LRP1B: variants seen among roughly 807,000 people sequenced by gnomAD.
LRP1B encodes the protein low-density lipoprotein receptor-related protein 1B.
A neutral mutation model predicts 556.6 loss-of-function variants in LRP1B; 217 were observed. The ratio of observed to expected loss-of-function variants is 0.39; its 90% confidence interval spans 0.35 to 0.44. The LOEUF is 0.44. Among genes scored for constraint, LRP1B ranks in the 20% least tolerant of loss-of-function variants. LRP1B has a pLI of 1.00. For missense variants in LRP1B, 5,053 were observed against 5,620.8 expected (o/e 0.90, Z 3.23); for synonymous variants, 2,047 against 1,865.8 (o/e 1.10, Z -2.50).
intron 29 of LRP1B, among the ~76,000 whole-genome samples, chr2:140,841,825 A>G (rs1692114360): frequency 6.6e-6 from 1 of 152,232 alleles, no homozygotes; most frequent in South Asian, 2.1e-4. Context: ...CACCTTTTCA[A>G]GAAAAAAAAT....
intron 2 of LRP1B, among the ~76,000 whole-genome samples, chr2:141,524,898 G>C (rs1004387529): frequency 1.3e-5 from 2 of 151,950 alleles, no homozygotes; most frequent in East Asian, 1.9e-4. Context: ...ACCTGATGCA[G>C]GATATTATTA....
intron 1 of LRP1B, among the ~76,000 whole-genome samples, chr2:141,845,391 A>C (rs1273451881): frequency 6.6e-6 from 1 of 152,030 alleles, no homozygotes; most frequent in Non-Finnish European, 1.5e-5. Flanking sequence ...GGAAATATCA[A>C]ATACGTTTCC....
At chr2:140,293,856 T>C (rs1338894303) in intron 84 of LRP1B, among the ~76,000 whole-genome samples, 2 of 152,196 alleles carry the variant, frequency 1.3e-5, no homozygotes, top group African/African-American at 4.8e-5. Flanking sequence ...ATAATATTAC[T>C]ACTTCGGGAC....
intron 35 of LRP1B, among the ~76,000 whole-genome samples, chr2:140,765,249 A>G (rs558097721): frequency 2.6e-5 from 4 of 152,174 alleles, no homozygotes; most frequent in Non-Finnish European, 4.4e-5. Flanking sequence ...TAAAAGAGAT[A>G]AAAGATGAAA....
chr2:141,510,222 ACACACACACACACC>A (rs1267939056), intron 2 of LRP1B, among the ~76,000 whole-genome samples: 5 of 150,836 alleles, frequency 3.3e-5, no homozygotes, highest in South Asian at 2.1e-4. Context: ...ACACACACAC[ACACACACACACACC>A]CCCCACAGTC....
intron 84 of LRP1B, among the ~76,000 whole-genome samples, chr2:140,289,378 C>CA (rs952558199): frequency 6.6e-6 from 1 of 151,764 alleles, no homozygotes; most frequent in African/African-American, 2.4e-5. Context: ...CAAGTGTCTT[C>CA]AAAAAACTTT....
At chr2:140,865,030 A>C (rs1692907602) in intron 27 of LRP1B, among the ~76,000 whole-genome samples, 1 of 152,090 alleles carries the variant, frequency 6.6e-6, no homozygotes, top group African/African-American at 2.4e-5. Context: ...CTCATGCTGT[A>C]AATTTTTCTA....
At chr2:141,921,384 T>G (rs1700180810) in intron 1 of LRP1B, among the ~76,000 whole-genome samples, 1 of 152,026 alleles carries the variant, frequency 6.6e-6, no homozygotes, top group Non-Finnish European at 1.5e-5. Context: ...TCTTTCAGAA[T>G]CTGGAGATTC....
At chr2:140,237,458 A>G (rs1225108768) in intron 89 of LRP1B, among the ~76,000 whole-genome samples, 1 of 150,962 alleles carries the variant, frequency 6.6e-6, no homozygotes, top group Non-Finnish European at 1.5e-5. Flanking sequence ...AAGTACAGAT[A>G]TCTCTTCAAT....
intron 1 of LRP1B, among the ~76,000 whole-genome samples, chr2:142,028,777 C>A (rs1386988905): frequency 6.6e-6 from 1 of 151,942 alleles, no homozygotes; most frequent in Non-Finnish European, 1.5e-5. Context: ...TTTGCACTCT[C>A]CTCAGCAACA....
At chr2:140,589,016 A>G (rs1558987832) in intron 43 of LRP1B, among the ~76,000 whole-genome samples, 1 of 151,978 alleles carries the variant, frequency 6.6e-6, no homozygotes. Flanking sequence ...GTGGACCTTG[A>G]CCTAAGTTTC....
At chr2:141,702,097 T>A (rs1691959127) in intron 2 of LRP1B, among the ~76,000 whole-genome samples, 1 of 151,768 alleles carries the variant, frequency 6.6e-6, no homozygotes, top group Admixed American at 6.6e-5. Flanking sequence ...CAGAAGAACT[T>A]AGAAGGGTAA....
chr2:140,335,541 C>CA, intron 78 of LRP1B, 74 bp downstream of exon 78: 1 of 910,592 alleles, frequency 1.1e-6, no homozygotes, highest in East Asian at 2.4e-5. Context: ...ATTACAGAGA[C>CA]AAAATCTATA....
At chr2:141,631,442 C>T (rs925092598) in intron 2 of LRP1B, among the ~76,000 whole-genome samples, 2 of 150,458 alleles carry the variant, frequency 1.3e-5, no homozygotes, top group Admixed American at 6.7e-5. Context: ...TGAGCTCATG[C>T]ACTAGGTCCA....
At chr2:141,356,981 T>TCAA (rs1454083905) in intron 3 of LRP1B, among the ~76,000 whole-genome samples, 11 of 152,156 alleles carry the variant, frequency 7.2e-5, no homozygotes, top group Non-Finnish European at 1.3e-4. Flanking sequence ...TTTGGCCCAA[T>TCAA]CAACAACAAA....
chr2:141,053,735 T>C (rs1385652504), intron 10 of LRP1B, among the ~76,000 whole-genome samples: 1 of 152,048 alleles, frequency 6.6e-6, no homozygotes, highest in Admixed American at 6.6e-5. Context: ...GGTGATGTAC[T>C]ACATTAGGGA....
At chr2:142,006,432 A>G (rs375681838) in intron 1 of LRP1B, among the ~76,000 whole-genome samples, 2 of 152,360 alleles carry the variant, frequency 1.3e-5, no homozygotes, top group East Asian at 3.9e-4. Flanking sequence ...CTAATAGCAC[A>G]CTAAAAATCT....
At chr2:141,480,158 T>TG (rs1398368429) in intron 3 of LRP1B, among the ~76,000 whole-genome samples, 2 of 63,004 alleles carry the variant, frequency 3.2e-5, no homozygotes, top group Non-Finnish European at 6.6e-5. Flanking sequence ...AAAGTCTAAA[T>TG]TTGTGTGTGT....
intron 5 of LRP1B, among the ~76,000 whole-genome samples, chr2:141,234,668 T>A (rs1162713748): frequency 6.6e-6 from 1 of 152,162 alleles, no homozygotes; most frequent in Non-Finnish European, 1.5e-5. Context: ...TGAGCCACTG[T>A]ACTCAGCCAA....
Sources: allele counts gnomAD v4.1 joint callset (sites outside exome capture counted in the v4.1 genomes callset), GRCh38; gene constraint gnomAD v4.1.1; transcripts MANE v1.5; gene names NCBI Gene and HGNC (gene_info 2026-07-23, HGNC 2026-07-21).